CTNND2: variants seen among roughly 807,000 people sequenced by gnomAD.
CTNND2 encodes catenin delta 2.
In CTNND2, 22 loss-of-function variants were observed where a neutral mutation model predicts 144.4. The ratio of observed to expected loss-of-function variants is 0.15; its 90% CI spans 0.11 to 0.22. CTNND2 has a LOEUF of 0.22. CTNND2 is among the 10% of genes least tolerant of loss of function. The pLI is 1.00. For missense variants in CTNND2, 1,353 were observed against 1,618.8 expected, an observed-to-expected ratio of 0.84 and a Z score of 2.82; for synonymous variants, 751 against 695.6, an observed-to-expected ratio of 1.08 and a Z score of -1.25.
intron 11 of CTNND2, among the ~76,000 whole-genome samples, chr5:11,176,109 C>T (rs941546327): frequency 7.9e-5 from 12 of 152,164 alleles, no homozygotes; most frequent in Non-Finnish European, 1.2e-4. Flanking sequence ...GCTGTAGAGA[C>T]GCTAAAGAAC....
At chr5:11,645,766 A>C (rs1474464601) in intron 2 of CTNND2, among the ~76,000 whole-genome samples, 1 of 152,168 alleles carries the variant, frequency 6.6e-6, no homozygotes, top group Non-Finnish European at 1.5e-5. Flanking sequence ...CCTTATCATA[A>C]AATGCTTAGG....
At chr5:11,739,026 A>G (rs1022408133) in intron 1 of CTNND2, among the ~76,000 whole-genome samples, 25 of 152,296 alleles carry the variant, frequency 1.6e-4, no homozygotes, top group African/African-American at 5.5e-4. Context: ...CCCTACCCAC[A>G]CATGACTATC....
At chr5:11,240,208 C>CAACACACACACACA (rs1742103024) in intron 9 of CTNND2, among the ~76,000 whole-genome samples, 1 of 116,746 alleles carries the variant, frequency 8.6e-6, no homozygotes, top group African/African-American at 3.3e-5. Context: ...CACACACACC[C>CAACACACACACACA]CCAACACACA....
chr5:11,001,694 T>C (rs528369382), intron 18 of CTNND2, among the ~76,000 whole-genome samples: 2 of 152,332 alleles, frequency 1.3e-5, no homozygotes, highest in South Asian at 2.1e-4. Context: ...TCTTCTGCTG[T>C]TGGTAGATCT....
intron 10 of CTNND2, among the ~76,000 whole-genome samples, chr5:11,209,705 G>A (rs1334053942): frequency 2.0e-5 from 3 of 152,102 alleles, no homozygotes; most frequent in South Asian, 4.1e-4. Context: ...GGCAGATCAC[G>A]AGGTCAGGAG....
chr5:11,665,381 C>G (rs937739708), intron 2 of CTNND2, among the ~76,000 whole-genome samples: 6 of 152,104 alleles, frequency 3.9e-5, no homozygotes, highest in African/African-American at 1.4e-4. Flanking sequence ...ATAAGTGGTT[C>G]TGAATAACAT....
At chr5:11,367,071 A>G (rs1423386551) in intron 7 of CTNND2, among the ~76,000 whole-genome samples, 2 of 152,264 alleles carry the variant, frequency 1.3e-5, no homozygotes, top group East Asian at 1.9e-4. Flanking sequence ...ACTTTTTTAC[A>G]TATTAGAGGG....
intron 1 of CTNND2, among the ~76,000 whole-genome samples, chr5:11,787,513 T>C (rs1458482468): frequency 6.6e-6 from 1 of 152,254 alleles, no homozygotes; most frequent in African/African-American, 2.4e-5. Context: ...CTGCAATTGA[T>C]GTACTTATTA....
intron 9 of CTNND2, among the ~76,000 whole-genome samples, chr5:11,283,277 C>T (rs977909949): frequency 1.1e-4 from 17 of 151,934 alleles, no homozygotes; most frequent in Admixed American, 1.1e-3. Flanking sequence ...GCCCAGTGTA[C>T]AAGTAAAGAC....
chr5:11,882,266 C>T (rs1661386065), intron 1 of CTNND2, among the ~76,000 whole-genome samples: 1 of 151,902 alleles, frequency 6.6e-6, no homozygotes, highest in African/African-American at 2.4e-5. Flanking sequence ...ATTTCCTATG[C>T]TTTTGAAATC....
At chr5:11,623,814 A>ATATATATATATATATATATATG (rs1561631243) in intron 2 of CTNND2, among the ~76,000 whole-genome samples, 1 of 42,008 alleles carries the variant, frequency 2.4e-5, no homozygotes, top group East Asian at 4.8e-4. Flanking sequence ...GTATGTATAT[A>ATATATATATATATATATATATG]TATATATATA....
chr5:11,087,971 A>G (rs763939328), intron 15 of CTNND2, among the ~76,000 whole-genome samples: 5 of 152,244 alleles, frequency 3.3e-5, no homozygotes, highest in Non-Finnish European at 5.9e-5. Context: ...TTCACTGAAG[A>G]GATTGGAAGA....
chr5:11,098,751 G>T lies in CTNND2; in HGVS notation c.2464-3C>A, dbSNP rs1348505768. The T allele has an allele frequency of 6.2e-7, 1 of 1,609,598 alleles. No individual in the cohort carries two copies. Among genetic ancestry groups the T allele is most frequent in the African/African-American group, 1.3e-5 (1 of 74,704 alleles). ...GGAAGAGGTCCTACTCCATCCCACT[G>T]GCGGAAGAAAAACAAGAGAGCAAAC... On this transcript the variant is annotated splice_region_variant and splice_polypyrimidine_tract_variant and intron_variant, in intron 14 of 21. Transcript: ENST00000304623.
intron 11 of CTNND2, among the ~76,000 whole-genome samples, chr5:11,183,320 A>T (rs571168263): frequency 6.6e-6 from 1 of 152,300 alleles, no homozygotes; most frequent in East Asian, 1.9e-4. Context: ...AAGCCTTAGG[A>T]AGTCTCCTGA....
chr5:11,042,508 T>C (rs1420407727), intron 16 of CTNND2, among the ~76,000 whole-genome samples: 1 of 152,250 alleles, frequency 6.6e-6, no homozygotes, highest in African/African-American at 2.4e-5. Context: ...GAGATGTTTA[T>C]GGATGAATTC....
At chr5:11,469,827 C>A (rs1441424731) in intron 3 of CTNND2, among the ~76,000 whole-genome samples, 3 of 152,140 alleles carry the variant, frequency 2.0e-5, no homozygotes, top group East Asian at 3.9e-4. Context: ...CACCACCTGG[C>A]CCAATTTAAT....
chr5:11,862,291 T>C (rs975419705), intron 1 of CTNND2, among the ~76,000 whole-genome samples: 1 of 152,208 alleles, frequency 6.6e-6, no homozygotes, highest in Admixed American at 6.5e-5. Flanking sequence ...AAAATAGAAA[T>C]TTTCCATTAA....
intron 3 of CTNND2, among the ~76,000 whole-genome samples, chr5:11,561,373 C>T (rs1203883860): frequency 1.3e-5 from 2 of 152,140 alleles, no homozygotes; most frequent in Non-Finnish European, 2.9e-5. Context: ...AAAGCCAAGA[C>T]AGAAATGAGA....
At chr5:11,860,604 A>C (rs774007279) in intron 1 of CTNND2, among the ~76,000 whole-genome samples, 15 of 152,254 alleles carry the variant, frequency 9.9e-5, no homozygotes, top group Non-Finnish European at 1.6e-4. Flanking sequence ...TAAAAATTAC[A>C]AGCCAGCGGC....
Sources: allele counts gnomAD v4.1 joint callset (sites outside exome capture counted in the v4.1 genomes callset), GRCh38; gene constraint gnomAD v4.1.1; transcripts MANE v1.5; gene names NCBI Gene and HGNC (gene_info 2026-07-23, HGNC 2026-07-21).